NUP210L: variants seen among roughly 807,000 people sequenced by gnomAD.
NUP210L encodes the protein nucleoporin 210 like.
NUP210L carries 74 observed loss-of-function variants against 208.5 expected under a neutral mutation model. That is an observed-to-expected ratio of 0.35 (90% CI 0.29 to 0.43). The LOEUF is 0.43. NUP210L is among the 20% of genes least tolerant of loss of function. The pLI is 1.00. For synonymous variants in NUP210L, 780 were observed against 816.9 expected (o/e 0.95, Z 0.77); for missense variants, 1,843 against 2,289.4 (o/e 0.81, Z 3.98).
At chr1:154,120,436 T>C (rs1337369264) in intron 10 of NUP210L, among the ~76,000 whole-genome samples, 1 of 151,664 alleles carries the variant, frequency 6.6e-6, no homozygotes, top group South Asian at 2.1e-4. Flanking sequence ...ATGAGAACAC[T>C]TGGACACAGA....
At chr1:154,006,966 A>ATATATATATATATTTT (rs1211789619) in intron 35 of NUP210L, among the ~76,000 whole-genome samples, 1 of 115,810 alleles carries the variant, frequency 8.6e-6, no homozygotes, top group African/African-American at 3.3e-5. Context: ...ATATATATAT[A>ATATATATATATATTTT]TTTTTTTTTT....
chr1:154,022,500 A>G (rs908090599), intron 31 of NUP210L, among the ~76,000 whole-genome samples, 157 bp from the exon 32 acceptor site: 5 of 151,640 alleles, frequency 3.3e-5, no homozygotes, highest in Non-Finnish European at 7.4e-5. Flanking sequence ...GGATCAGTCT[A>G]TTACCTTCAT....
chr1:154,045,586 C>A (rs965413097), intron 27 of NUP210L, among the ~76,000 whole-genome samples: 1 of 152,146 alleles, frequency 6.6e-6, no homozygotes, highest in Non-Finnish European at 1.5e-5. Context: ...AATTTGGATT[C>A]TTTATTGCTT....
chr1:154,118,691 A>G (rs1657455947), exon 11 of NUP210L: 2 of 1,600,768 alleles, frequency 1.2e-6, no homozygotes, highest in South Asian at 1.1e-5. Context: ...TAACGATATA[A>G]CATTCCCATA....
intron 16 of NUP210L, 57 bp from the exon 17 acceptor site, chr1:154,070,522 T>TAG: frequency 5.3e-6 from 6 of 1,137,856 alleles, no homozygotes; most frequent in Non-Finnish European, 7.2e-6. Context: ...GCCTAAGGGG[T>TAG]AGTAAGATAT....
chr1:154,052,401 G>T (rs962189264), intron 25 of NUP210L, among the ~76,000 whole-genome samples: 3 of 152,090 alleles, frequency 2.0e-5, no homozygotes, highest in Admixed American at 2.0e-4. Flanking sequence ...CAACTGTCAT[G>T]AGCAACACCC....
chr1:154,027,104 A>C (rs11578545), intron 29 of NUP210L, among the ~76,000 whole-genome samples: 37,730 of 147,392 alleles, frequency 0.26, 5,486 homozygotes, highest in Admixed American at 0.36. Context: ...AAACAAAAAA[A>C]AAAAAACAAA....
chr1:154,069,375 A>G (rs1464468264), intron 17 of NUP210L, among the ~76,000 whole-genome samples: 1 of 152,228 alleles, frequency 6.6e-6, no homozygotes, highest in African/African-American at 2.4e-5. Context: ...ACCCCATCAA[A>G]AAGTGGGCAA....
At chr1:154,029,390 A>AAAC (rs1652086378) in intron 28 of NUP210L, among the ~76,000 whole-genome samples, 3 of 147,438 alleles carry the variant, frequency 2.0e-5, no homozygotes, top group African/African-American at 7.5e-5. Flanking sequence ...AAAAAAAAAA[A>AAAC]AAAAAAAAAA....
At chr1:154,022,161 A>G (rs536594528) in exon 32 of NUP210L, 8 of 1,613,908 alleles carry the variant, frequency 5.0e-6, no homozygotes, top group Non-Finnish European at 6.8e-6. Context: ...GAAGCAGATG[A>G]TATCTCCAAC....
At chr1:154,132,546 G>T (rs1181251371) in intron 7 of NUP210L, among the ~76,000 whole-genome samples, 4 of 151,998 alleles carry the variant, frequency 2.6e-5, no homozygotes, top group African/African-American at 9.7e-5. Context: ...GACATATTAT[G>T]AATAGTCACC....
In NUP210L at chr1:153,996,733, TAAG is replaced by T. The variant is rs1273730643; in HGVS notation, c.5387-1556_5387-1554del. On this transcript the variant is annotated intron_variant, in intron 37 of 39. Coordinates refer to ENST00000368559, the Ensembl canonical transcript of NUP210L. ...GCTGCACCCAGCCAAAACTTTTTTT[TAAG>T]ATCATCAGTGACCACTTAAATCCAC... Among the ~76,000 whole-genome samples, 7 of 152,192 alleles carry T rather than the reference TAAG, an allele frequency of 4.6e-5. No homozygotes were observed. In the South Asian group the frequency reaches 1.2e-3, roughly 27 times the overall value.
At chr1:154,056,725 A>G (rs1571221340) in intron 23 of NUP210L, 90 bp downstream of exon 23, 1 of 1,351,280 alleles carries the variant, frequency 7.4e-7, no homozygotes, top group East Asian at 2.5e-5. Flanking sequence ...CAGCCAGTCA[A>G]ATGATTTTTA....
chr1:154,121,349 G>A (rs6671166), intron 10 of NUP210L, among the ~76,000 whole-genome samples: 42,629 of 151,802 alleles, frequency 0.28, 7,513 homozygotes, highest in Admixed American at 0.44. Flanking sequence ...CTAATATCAG[G>A]GAACCCAGAA....
At chr1:154,153,415 T>A (rs1425853326) in intron 1 of NUP210L, among the ~76,000 whole-genome samples, 1 of 152,190 alleles carries the variant, frequency 6.6e-6, no homozygotes, top group Non-Finnish European at 1.5e-5. Context: ...GTTCAAGCGA[T>A]TCTCCTGCCT....
At chr1:154,109,659 AT>A (rs1447107907) in intron 12 of NUP210L, among the ~76,000 whole-genome samples, 1 of 151,602 alleles carries the variant, frequency 6.6e-6, no homozygotes, top group Non-Finnish European at 1.5e-5. Flanking sequence ...GTCCAAAACA[AT>A]TGTTCAAAAA....
chr1:154,130,552 C>A (rs1352938487), intron 7 of NUP210L, among the ~76,000 whole-genome samples: 1 of 149,032 alleles, frequency 6.7e-6, no homozygotes, highest in East Asian at 2.0e-4. Context: ...GGATTACAGG[C>A]GTGAGCCACT....
chr1:154,015,628 G>C (rs1460919030), intron 33 of NUP210L, among the ~76,000 whole-genome samples: 1 of 151,926 alleles, frequency 6.6e-6, no homozygotes. Context: ...GCTGAGGTAG[G>C]AAAATTGCTT....
chr1:154,098,647 C>G (rs74791372), intron 14 of NUP210L, among the ~76,000 whole-genome samples: 1,712 of 152,234 alleles, frequency 0.011, 39 homozygotes, highest in African/African-American at 0.04. Flanking sequence ...CCGGCTGAGC[C>G]TGGAGCTTTT....
Sources: gnomAD v4.1 joint callset for allele counts (sites outside exome capture counted in the v4.1 genomes callset) on GRCh38, gnomAD v4.1.1 for gene constraint, MANE v1.5 for transcripts, NCBI Gene and HGNC (gene_info 2026-07-23, HGNC 2026-07-21) for gene names.